Variants in CNOT6 observed in about 807,000 individuals in gnomAD.
CNOT6 encodes CCR4-NOT transcription complex subunit 6, also known as carbon catabolite repression 4 protein.
A neutral mutation model predicts 61.2 loss-of-function variants in CNOT6; 12 were observed. The ratio of observed to expected loss-of-function variants is 0.20; its 90% CI spans 0.13 to 0.32. CNOT6 has a LOEUF of 0.32. Ranked by LOEUF, CNOT6 falls within the 10% of genes least tolerant of loss-of-function variation. The pLI is 1.00. For synonymous variants in CNOT6, 225 were observed against 240.6 expected, an observed-to-expected ratio of 0.94 and a Z score of 0.60; for missense variants, 405 against 663.9, an observed-to-expected ratio of 0.61 and a Z score of 4.28.
chr5:180,569,078 C>G (rs748666197), intron 9 of CNOT6, 32 bp from the exon 10 acceptor site: 1 of 1,545,666 alleles, frequency 6.5e-7, no homozygotes, highest in Admixed American at 1.7e-5. Context: ...CGGGTTTTGT[C>G]TCTTTCTTTG....
chr5:180,536,348 G>T (rs759267773), intron 2 of CNOT6, among the ~76,000 whole-genome samples: 1 of 151,902 alleles, frequency 6.6e-6, no homozygotes, highest in South Asian at 2.1e-4. Flanking sequence ...ATTCTATATA[G>T]TAACCCTTTG....
At chr5:180,528,663 G>A (rs1758210057) in intron 1 of CNOT6, among the ~76,000 whole-genome samples, 1 of 151,964 alleles carries the variant, frequency 6.6e-6, no homozygotes, top group Non-Finnish European at 1.5e-5. Flanking sequence ...TTGATTTTTA[G>A]ATAAAATTAT....
intron 1 of CNOT6, among the ~76,000 whole-genome samples, chr5:180,511,774 A>G (rs1757407868): frequency 6.6e-6 from 1 of 152,126 alleles, no homozygotes; most frequent in East Asian, 1.9e-4. Context: ...TCTGAAAAAA[A>G]AAATAATTTT....
At chr5:180,522,927 T>C (rs569193855) in intron 1 of CNOT6, among the ~76,000 whole-genome samples, 2 of 152,340 alleles carry the variant, frequency 1.3e-5, no homozygotes, top group Non-Finnish European at 2.9e-5. Flanking sequence ...TGAGCCGTTC[T>C]AACAAATTAA....
At chr5:180,548,670 T>A (rs1294131939) in intron 2 of CNOT6, among the ~76,000 whole-genome samples, 2 of 152,188 alleles carry the variant, frequency 1.3e-5, no homozygotes, top group East Asian at 3.8e-4. Flanking sequence ...CTCTCCTGCA[T>A]TGGTTGGTGT....
intron 1 of CNOT6, among the ~76,000 whole-genome samples, chr5:180,496,775 A>G (rs1756632283): frequency 6.6e-6 from 1 of 152,172 alleles, no homozygotes; most frequent in Non-Finnish European, 1.5e-5. Flanking sequence ...GAGACTGAAG[A>G]TTTTCTCTGA....
intron 1 of CNOT6, among the ~76,000 whole-genome samples, chr5:180,504,898 C>G (rs1378410884): frequency 6.7e-6 from 1 of 149,356 alleles, no homozygotes; most frequent in Non-Finnish European, 1.5e-5. Context: ...TAATTTGATT[C>G]TTACTGATAA....
At chr5:180,553,606 C>T (rs751961609) in intron 4 of CNOT6, 135 bp downstream of exon 4, 8 of 639,918 alleles carry the variant, frequency 1.3e-5, no homozygotes, top group South Asian at 2.1e-5. Context: ...TTAGCTATAT[C>T]GCAATGGTTT....
At chr5:180,545,719 A>T (rs1759283332) in intron 2 of CNOT6, among the ~76,000 whole-genome samples, 1 of 152,234 alleles carries the variant, frequency 6.6e-6, no homozygotes, top group Non-Finnish European at 1.5e-5. Flanking sequence ...TTTCCTAAAA[A>T]ATGGAATTGA....
intron 11 of CNOT6, among the ~76,000 whole-genome samples, chr5:180,573,349 C>G (rs1432303904): frequency 1.3e-5 from 2 of 151,900 alleles, no homozygotes. Flanking sequence ...GTCTCAACCA[C>G]ACAAATGAGT....
intron 3 of CNOT6, among the ~76,000 whole-genome samples, chr5:180,552,580 A>G (rs111254381): frequency 0.076 from 11,502 of 150,992 alleles, 613 homozygotes; most frequent in East Asian, 0.25. Context: ...CGGGAGGCGG[A>G]GCTTGCAGTG....
At chr5:180,529,629 C>G (rs72812945) in intron 2 of CNOT6, among the ~76,000 whole-genome samples, 2,876 of 152,244 alleles carry the variant, frequency 0.019, 37 homozygotes, top group Non-Finnish European at 0.027. Context: ...TGTCCTCTTA[C>G]AAAATACATA....
chr5:180,530,126 T>C (rs1284707560), intron 2 of CNOT6, among the ~76,000 whole-genome samples: 2 of 152,218 alleles, frequency 1.3e-5, no homozygotes, highest in African/African-American at 4.8e-5. Context: ...CCCCTTACTT[T>C]CCTTTCAGTT....
chr5:180,528,467 T>C (rs1417418689), intron 1 of CNOT6, among the ~76,000 whole-genome samples: 16 of 151,972 alleles, frequency 1.1e-4, no homozygotes, highest in Admixed American at 2.6e-4. Flanking sequence ...CCTGCCACCA[T>C]GCCCGGCTAA....
intron 1 of CNOT6, among the ~76,000 whole-genome samples, chr5:180,509,196 A>C (rs1581474005): frequency 6.6e-6 from 1 of 152,056 alleles, no homozygotes; most frequent in Non-Finnish European, 1.5e-5. Flanking sequence ...CAGTGGTGCG[A>C]TCTTGGCTCA....
intron 2 of CNOT6, among the ~76,000 whole-genome samples, chr5:180,548,520 C>A (rs923075909): frequency 6.6e-6 from 1 of 152,212 alleles, no homozygotes; most frequent in Non-Finnish European, 1.5e-5. Context: ...CCTGGACTTT[C>A]TGTCTCTGGA....
rs574525411 is a variant in CNOT6 at position 180,565,645 on chromosome 5, G to C, written c.560-175G>C. 2.0e-5 allele frequency among the ~76,000 whole-genome samples: 3 copies of C among 152,224 alleles called. No individual in the cohort carries two copies. In the South Asian group the frequency reaches 6.2e-4, roughly 32 times the overall value. ...TCTAACTTGTTCACTTATCTATCCTGCTTGCATTATCCGTCTTTTATTTAT... is the reference window on the plus strand; with the variant it reads ...TCTAACTTGTTCACTTATCTATCCTCCTTGCATTATCCGTCTTTTATTTAT... On this transcript the variant is annotated intron_variant, in intron 6 of 11. Transcript: ENST00000261951.
intron 1 of CNOT6, among the ~76,000 whole-genome samples, chr5:180,504,292 A>G (rs570699055): frequency 2.3e-4 from 35 of 152,318 alleles, no homozygotes; most frequent in African/African-American, 8.2e-4. Flanking sequence ...AGGCTTCTTG[A>G]TGCTTTGTAA....
intron 9 of CNOT6, among the ~76,000 whole-genome samples, chr5:180,568,224 A>G (rs1167151032): frequency 9.7e-6 from 1 of 103,386 alleles, no homozygotes; most frequent in South Asian, 4.7e-4. Flanking sequence ...AAAAGCATTA[A>G]AAAACCTTTT....
Sources: gnomAD v4.1 joint callset for allele counts (sites outside exome capture counted in the v4.1 genomes callset) on GRCh38, gnomAD v4.1.1 for gene constraint, MANE v1.5 for transcripts, NCBI Gene and HGNC (gene_info 2026-07-23, HGNC 2026-07-21) for gene names.